The following PTPRT variants were observed in gnomAD, a reference collection of about 807,000 sequenced individuals.
PTPRT encodes the protein receptor-type tyrosine-protein phosphatase T.
Under a neutral mutation model 176.8 loss-of-function variants are expected in PTPRT, and 56 were observed. That is an observed-to-expected ratio of 0.32 (90% CI 0.26 to 0.40). The LOEUF is 0.40. Ranked by LOEUF, PTPRT falls within the 10% of genes least tolerant of loss-of-function variation. The pLI, the probability that PTPRT is intolerant of heterozygous loss-of-function variation, is 1.00. For missense variants in PTPRT, 1,540 were observed against 1,908.2 expected (o/e 0.81, Z 3.60); for synonymous variants, 783 against 739.0 (o/e 1.06, Z -0.96).
intron 7 of PTPRT, among the ~76,000 whole-genome samples, chr20:42,675,087 T>C (rs1466498053): frequency 6.6e-6 from 1 of 152,198 alleles, no homozygotes; most frequent in East Asian, 1.9e-4. Context: ...GTCAGCTCAC[T>C]GCCTGTGTTC....
chr20:42,186,474 G>C (rs1429889649), intron 16 of PTPRT, among the ~76,000 whole-genome samples: 1 of 151,624 alleles, frequency 6.6e-6, no homozygotes, highest in East Asian at 2.0e-4. Context: ...ACAGTCAAAG[G>C]TCCTGTGGTA....
Position 42,655,825 on chromosome 20 carries a change from T to C in PTPRT, c.1153+22041A>G, listed in dbSNP as rs551743408. 9.8e-5 allele frequency among the ~76,000 whole-genome samples: 15 copies of C among 152,314 alleles called. No individual in the cohort carries two copies. In the South Asian group the frequency reaches 2.9e-3, roughly 29 times the overall value. On this transcript the variant is annotated intron_variant, in intron 7 of 30. Transcript: ENST00000373187. Reference sequence around the variant, plus strand: ...GACCATTTTCAGCATCAACCTATAATGTTGAGGTAGGTAGAAAACAGGTAG... The same window carrying C: ...GACCATTTTCAGCATCAACCTATAACGTTGAGGTAGGTAGAAAACAGGTAG...
rs569242704 is a variant in PTPRT, at chr20:42,846,229, T to C, written c.214+39578A>G. Among the ~76,000 whole-genome samples, 4 of 152,306 alleles carry C rather than the reference T, an allele frequency of 2.6e-5. No homozygotes were observed. In the East Asian group the frequency reaches 7.7e-4, roughly 29 times the overall value. On this transcript the variant is annotated intron_variant, in intron 2 of 30. Transcript: ENST00000373187. Reference sequence around the variant, plus strand: ...CAAATTATGTCTGAACTATCCACCCTTCCCATCCTCATGCAGAAAGCAGCT... The same window carrying C: ...CAAATTATGTCTGAACTATCCACCCCTCCCATCCTCATGCAGAAAGCAGCT...
intron 16 of PTPRT, among the ~76,000 whole-genome samples, chr20:42,170,134 G>T (rs1990015441): frequency 6.6e-6 from 1 of 152,162 alleles, no homozygotes; most frequent in African/African-American, 2.4e-5. Flanking sequence ...TCCATGAGGG[G>T]AGCTGGGCTG....
At chr20:42,055,996 C>T in the PTPRT span, among the ~76,000 whole-genome samples, 2 of 152,150 alleles carry the variant, frequency 1.3e-5, no homozygotes, top group African/African-American at 2.4e-5. Flanking sequence ...ATGCTGCCTT[C>T]CAGAATGTTC....
chr20:42,989,711 AAG>A (rs1182123134), intron 1 of PTPRT, among the ~76,000 whole-genome samples: 2 of 152,258 alleles, frequency 1.3e-5, no homozygotes, highest in African/African-American at 4.8e-5. Context: ...TTGACAGCAG[AAG>A]AGTCTACAGA....
intron 7 of PTPRT, among the ~76,000 whole-genome samples, chr20:42,545,140 C>T (rs1407368603): frequency 6.6e-6 from 1 of 152,236 alleles, no homozygotes; most frequent in Non-Finnish European, 1.5e-5. Flanking sequence ...TGCCTGGATC[C>T]TCAGACCAGG....
chr20:42,303,446 T>TGA (rs1211805570), intron 12 of PTPRT, among the ~76,000 whole-genome samples: 2 of 152,144 alleles, frequency 1.3e-5, no homozygotes, highest in Non-Finnish European at 2.9e-5. Flanking sequence ...AGTGCACCCA[T>TGA]ATTCCTCTAT....
intron 6 of PTPRT, among the ~76,000 whole-genome samples, chr20:42,752,423 G>T (rs1381098942): frequency 6.6e-6 from 1 of 152,152 alleles, no homozygotes; most frequent in Non-Finnish European, 1.5e-5. Flanking sequence ...AGGTCACAGA[G>T]TTGGGACAAG....
At chr20:42,636,050 T>C (rs1280773823) in intron 7 of PTPRT, among the ~76,000 whole-genome samples, 1 of 152,168 alleles carries the variant, frequency 6.6e-6, no homozygotes, top group Non-Finnish European at 1.5e-5. Context: ...ACTTATGAAA[T>C]TAATAGAGTT....
chr20:42,200,695 C>G (rs1003542113), intron 15 of PTPRT, among the ~76,000 whole-genome samples: 2 of 152,144 alleles, frequency 1.3e-5, no homozygotes, highest in Non-Finnish European at 2.9e-5. Context: ...TTCGAAAAAG[C>G]GAACATGGTC....
rs760520624 is a variant in PTPRT at position 42,677,910 on chromosome 20, G to A, written c.1109C>T (p.Thr370Met). The A allele has an allele frequency of 1.9e-5, 30 of 1,613,810 alleles. No individual in the cohort carries two copies. Among genetic ancestry groups the A allele is most frequent in the Admixed American group, 6.7e-5 (4 of 60,006 alleles). Residue 370 changes from threonine to methionine, a missense_variant, in exon 7 of 31, where the codon ACG becomes ATG. This residue lies in a region of PTPRT where 273 missense variants were observed against 432.1 expected (regional missense o/e 0.63). Coordinates refer to ENST00000373187, the MANE Select transcript of PTPRT (RefSeq NM_007050.6). The stretch of plus-strand genomic sequence containing the variant: ...GGTGAGGGGAGGCCCTGGCGGTCCC[G>A]TACCCCCCTCACCTGGTCGTGTGAG... ...VLLTRPGEGG[T>M]GPPGPPLTTR...
intron 27 of PTPRT, among the ~76,000 whole-genome samples, chr20:42,095,421 G>T (rs1194769558): frequency 2.0e-5 from 3 of 152,090 alleles, no homozygotes; most frequent in South Asian, 2.1e-4. Flanking sequence ...TTCCTCAAGG[G>T]CACCAGGTGC....
At chr20:42,693,857 C>T (rs1336556692) in intron 6 of PTPRT, among the ~76,000 whole-genome samples, 2 of 151,890 alleles carry the variant, frequency 1.3e-5, no homozygotes, top group African/African-American at 4.8e-5. Context: ...CCTTTAGAAC[C>T]ACAACCACCT....
At chr20:42,553,674 C>G (rs1272470826) in intron 7 of PTPRT, among the ~76,000 whole-genome samples, 1 of 152,214 alleles carries the variant, frequency 6.6e-6, no homozygotes, top group African/African-American at 2.4e-5. Context: ...TTTACACACA[C>G]CTTTTTATTT....
rs533592196 is a variant in PTPRT, at chr20:42,802,949, G to A, written c.215-11483C>T. ...CCTAGGCTTGTTACGTGAATTAAATGTGTCTGTATGTTACACGCTTAGAAT... is the reference window on the plus strand; with the variant it reads ...CCTAGGCTTGTTACGTGAATTAAATATGTCTGTATGTTACACGCTTAGAAT... On this transcript the variant is annotated intron_variant, in intron 2 of 30. Coordinates refer to ENST00000373187, the MANE Select transcript of PTPRT (RefSeq NM_007050.6). Among the ~76,000 whole-genome samples the A allele has an allele frequency of 3.3e-5, 5 of 152,354 alleles. No homozygotes were observed. In the South Asian group the frequency reaches 1.0e-3, roughly 32 times the overall value.
chr20:42,727,336 T>C (rs1437662438), intron 6 of PTPRT, among the ~76,000 whole-genome samples: 2 of 152,210 alleles, frequency 1.3e-5, no homozygotes, highest in Admixed American at 1.3e-4. Flanking sequence ...TGGGTCACTG[T>C]GAGGCCAAAT....
intron 6 of PTPRT, among the ~76,000 whole-genome samples, chr20:42,744,171 C>T (rs141343444): frequency 1.1e-4 from 16 of 152,346 alleles, no homozygotes; most frequent in African/African-American, 3.8e-4. Flanking sequence ...TAGTGCAAGA[C>T]CTACCCTTCA....
chr20:42,527,240 G>A lies in PTPRT; in HGVS notation c.1154-54678C>T, dbSNP rs986825430. On this transcript the variant is annotated intron_variant, in intron 7 of 30. Coordinates refer to ENST00000373187, the MANE Select transcript of PTPRT (RefSeq NM_007050.6). ...GGCCTCCCAAAGTGCTGGGATTACAGGTGTGAGCCACCGTGCCCGGCCGAC... is the reference window on the plus strand; with the variant it reads ...GGCCTCCCAAAGTGCTGGGATTACAAGTGTGAGCCACCGTGCCCGGCCGAC... 2.0e-5 allele frequency among the ~76,000 whole-genome samples: 3 copies of A among 152,096 alleles called. No individual in the cohort carries two copies. The South Asian group carries it at 6.2e-4, about 32-fold the overall frequency.
Sources: allele counts gnomAD v4.1 joint callset (sites outside exome capture counted in the v4.1 genomes callset), GRCh38; gene constraint gnomAD v4.1.1; regional missense constraint gnomAD v4.1.1; transcripts MANE v1.5; gene names NCBI Gene and HGNC (gene_info 2026-07-23, HGNC 2026-07-21).